The following NCAM1 variants were observed in gnomAD, a reference collection of about 807,000 sequenced individuals.
The protein encoded by NCAM1 is antigen recognized by monoclonal antibody 5.1H11.
A neutral mutation model predicts 109.8 loss-of-function variants in NCAM1; 14 were observed. The ratio of observed to expected loss-of-function variants is 0.13; its 90% CI spans 0.08 to 0.20. The LOEUF (loss-of-function observed/expected upper bound fraction) is 0.20, where lower values mean the gene tolerates loss of function less well. Among genes scored for constraint, NCAM1 ranks in the 10% least tolerant of loss-of-function variants. NCAM1 has a pLI of 1.00. For synonymous variants in NCAM1, 418 were observed against 442.9 expected, an observed-to-expected ratio of 0.94 and a Z score of 0.70; for missense variants, 774 against 1,109.9, an observed-to-expected ratio of 0.70 and a Z score of 4.30.
intron 1 of NCAM1, among the ~76,000 whole-genome samples, chr11:113,056,823 T>G (rs183743962): frequency 1.2e-4 from 19 of 152,118 alleles, no homozygotes; most frequent in Admixed American, 2.6e-4. Context: ...CTATAATACA[T>G]TTGTTTTGTT....
At chr11:113,178,783 G>A (rs1016698577) in intron 1 of NCAM1, among the ~76,000 whole-genome samples, 5 of 152,186 alleles carry the variant, frequency 3.3e-5, no homozygotes, top group Non-Finnish European at 7.3e-5. Context: ...AAGAACCTGG[G>A]ACTAGAGTTC....
chr11:113,059,718 G>A (rs1482274915), intron 1 of NCAM1, among the ~76,000 whole-genome samples: 1 of 152,148 alleles, frequency 6.6e-6, no homozygotes, highest in African/African-American at 2.4e-5. Context: ...GCAGTCACAG[G>A]GCCCGCCTCT....
intron 8 of NCAM1, among the ~76,000 whole-genome samples, chr11:113,218,871 A>C (rs1162478628): frequency 6.6e-5 from 10 of 152,220 alleles, no homozygotes; most frequent in Admixed American, 5.2e-4. Flanking sequence ...TCTGTATGAA[A>C]GTCATTGTGA....
At chr11:113,076,033 T>C (rs1346209198) in intron 1 of NCAM1, among the ~76,000 whole-genome samples, 1 of 152,192 alleles carries the variant, frequency 6.6e-6, no homozygotes, top group Non-Finnish European at 1.5e-5. Context: ...GTCTTCACCA[T>C]TGGTTCAAAG....
At chr11:113,185,068 T>TATATATA (rs1555108634) in intron 1 of NCAM1, among the ~76,000 whole-genome samples, 19 of 99,624 alleles carry the variant, frequency 1.9e-4, no homozygotes, top group East Asian at 1.9e-3. Flanking sequence ...GCATTTATAT[T>TATATATA]TATATATATA....
chr11:113,073,046 A>G (rs1458013168), intron 1 of NCAM1, among the ~76,000 whole-genome samples: 3 of 152,156 alleles, frequency 2.0e-5, no homozygotes, highest in Admixed American at 2.0e-4. Context: ...CCGCCGTTCT[A>G]CTTTCTGTCT....
intron 1 of NCAM1, among the ~76,000 whole-genome samples, chr11:113,128,435 C>T (rs1941263911): frequency 6.6e-6 from 1 of 152,144 alleles, no homozygotes; most frequent in South Asian, 2.1e-4. Context: ...GCTTTGGATA[C>T]AAGAGTCTGT....
intron 1 of NCAM1, among the ~76,000 whole-genome samples, chr11:113,167,755 T>C (rs1942852758): frequency 1.3e-5 from 2 of 152,144 alleles, no homozygotes; most frequent in African/African-American, 4.8e-5. Flanking sequence ...CAGCTCAAAA[T>C]GTGAGCGGCA....
intron 1 of NCAM1, among the ~76,000 whole-genome samples, chr11:113,128,210 C>T (rs567733863): frequency 1.6e-4 from 25 of 152,300 alleles, no homozygotes; most frequent in Non-Finnish European, 1.0e-4. Context: ...CTTCACTGCT[C>T]GGGCCTTGCG....
rs56324717 is a variant in NCAM1 at position 113,277,849 on chromosome 11, T to TAAAAAAAAAAAAAA, written c.*2476_*2489dup. ...TCTCAGCATGCAAGAGTTTTTCCTT[T>TAAAAAAAAAAAAAA]AAAAAAAAAAAAAAAAAAAAAAAAA... On this transcript the variant is annotated 3_prime_UTR_variant, in exon 20 of 20. Transcript: ENST00000316851. 3 of 63,264 alleles carry TAAAAAAAAAAAAAA rather than the reference T, an allele frequency of 4.7e-5. No homozygotes were observed. Among genetic ancestry groups the TAAAAAAAAAAAAAA allele is most frequent in the Admixed American group, 2.2e-4 (1 of 4,558 alleles). The allele number at this position is 63,264 out of a possible 1,614,324, so 3.9% of individuals were successfully genotyped here.
chr11:113,192,477 G>T (rs568941817), intron 1 of NCAM1, among the ~76,000 whole-genome samples: 5 of 152,306 alleles, frequency 3.3e-5, no homozygotes, highest in South Asian at 2.1e-4. Context: ...AAGTGCCCCT[G>T]GGGTTGGTGG....
chr11:113,119,653 C>G (rs1261531129), intron 1 of NCAM1, among the ~76,000 whole-genome samples: 1 of 152,148 alleles, frequency 6.6e-6, no homozygotes, highest in Non-Finnish European at 1.5e-5. Context: ...AAATTATTCT[C>G]TAGGGAGTTG....
intron 15 of NCAM1, among the ~76,000 whole-genome samples, chr11:113,250,453 ATGTAAT>A (rs1339599967): frequency 3.3e-4 from 50 of 152,348 alleles, no homozygotes; most frequent in African/African-American, 1.1e-3. Context: ...TAACCTCTGG[ATGTAAT>A]TGTAATGTTT....
chr11:112,985,319 A>G (rs1179286838), intron 1 of NCAM1, among the ~76,000 whole-genome samples: 1 of 151,228 alleles, frequency 6.6e-6, no homozygotes, highest in Non-Finnish European at 1.5e-5. Flanking sequence ...TTTTGAAATC[A>G]GATAGGGTGA....
chr11:113,260,001 A>T, intron 16 of NCAM1, 145 bp from the exon 17 acceptor site: 1 of 679,528 alleles, frequency 1.5e-6, no homozygotes, highest in Non-Finnish European at 2.4e-6. Flanking sequence ...CACCGCGCCC[A>T]CCCCCATCAT....
chr11:113,083,251 A>G (rs1938925269), intron 1 of NCAM1, among the ~76,000 whole-genome samples: 1 of 152,182 alleles, frequency 6.6e-6, no homozygotes, highest in Non-Finnish European at 1.5e-5. Flanking sequence ...AACATACACT[A>G]TCATCTCCTA....
intron 1 of NCAM1, among the ~76,000 whole-genome samples, chr11:113,084,847 A>G (rs1450270567): frequency 6.6e-6 from 1 of 152,232 alleles, no homozygotes; most frequent in East Asian, 1.9e-4. Context: ...TTAACTACCC[A>G]GTAGTGTCCT....
At chr11:113,186,352 A>C (rs1943508827) in intron 1 of NCAM1, among the ~76,000 whole-genome samples, 1 of 152,176 alleles carries the variant, frequency 6.6e-6, no homozygotes, top group African/African-American at 2.4e-5. Flanking sequence ...ATCACAGCTG[A>C]AACAGTTTCA....
chr11:112,964,550 A>G (rs1950680598), intron 1 of NCAM1, among the ~76,000 whole-genome samples: 1 of 152,234 alleles, frequency 6.6e-6, no homozygotes, highest in African/African-American at 2.4e-5. Flanking sequence ...ACTTTACAAA[A>G]GCTAACATTG....
Sources: gnomAD v4.1 joint callset for allele counts (sites outside exome capture counted in the v4.1 genomes callset) on GRCh38, gnomAD v4.1.1 for gene constraint, MANE v1.5 for transcripts, NCBI Gene and HGNC (gene_info 2026-07-23, HGNC 2026-07-21) for gene names.